TECTA: variants seen among roughly 807,000 people sequenced by gnomAD.
The protein encoded by TECTA is tectorin alpha.
Under a neutral mutation model 216.8 loss-of-function variants are expected in TECTA, and 128 were observed. That is an observed-to-expected ratio of 0.59 (90% CI 0.51 to 0.68). The LOEUF (loss-of-function observed/expected upper bound fraction) is 0.68. Among genes scored for constraint, TECTA ranks in the 30% least tolerant of loss-of-function variants. The pLI is 0.00. For synonymous variants in TECTA, 1,089 were observed against 1,117.1 expected (o/e 0.97, Z 0.50); for missense variants, 2,551 against 2,786.2 (o/e 0.92, Z 1.90).
intron 12 of TECTA, among the ~76,000 whole-genome samples, chr11:121,149,543 G>A (rs1253634774): frequency 6.6e-6 from 1 of 152,190 alleles, no homozygotes. Context: ...TACTTGATGA[G>A]GGAGATATTA....
intron 20 of TECTA, among the ~76,000 whole-genome samples, chr11:121,172,008 G>A (rs80275243): frequency 2.4e-4 from 36 of 152,012 alleles, no homozygotes; most frequent in African/African-American, 4.3e-4. Context: ...GCTTTTCTCC[G>A]TTCAGTATGA....
chr11:121,125,536 G>A lies in TECTA; in HGVS notation c.1438G>A (p.Ala480Thr), dbSNP rs1946600403. The change falls in exon 8 of 24, where the codon GCC becomes ACC. Residue 480 changes from alanine (A) to threonine (T), a missense_variant. By Grantham distance (58) the Ala-to-Thr change is moderately conservative. Around this residue, in one of 3 missense-constraint regions of TECTA, gnomAD observed 2,375 missense variants for 2,563.9 expected, o/e 0.93. Transcript: ENST00000392793. The stretch of plus-strand genomic sequence containing the variant: ...CTTCCTCCGCCCGGATGGCAGGCCG[G>A]CCATGTCTGTCCTGGATCTGGGAGA... Reference protein sequence around the residue: ...DDFLRPDGRPAMSVLDLGESW... With the variant: ...DDFLRPDGRPTMSVLDLGESW... 6.2e-7 allele frequency: 1 copy of A among 1,614,134 alleles called. No individual in the cohort carries two copies. The highest frequency in any genetic ancestry group is 8.5e-7 in the Non-Finnish European group (1 of 1,180,032).
At chr11:121,161,053 T>G (rs1022887905) in intron 15 of TECTA, among the ~76,000 whole-genome samples, 1 of 152,246 alleles carries the variant, frequency 6.6e-6, no homozygotes, top group Non-Finnish European at 1.5e-5. Flanking sequence ...CTCTTTCTTG[T>G]TAGTTCTCCA....
intron 20 of TECTA, among the ~76,000 whole-genome samples, chr11:121,185,537 C>CAGATGTTCAATGCTTAAT (rs1947276843): frequency 2.4e-5 from 1 of 41,770 alleles, no homozygotes; most frequent in Non-Finnish European, 4.4e-5. Flanking sequence ...GCTTAATGAA[C>CAGATGTTCAATGCTTAAT]GAGTAGGGAA....
chr11:121,106,004 C>T, intron 3 of TECTA, 40 bp downstream of exon 3: 1 of 1,614,094 alleles, frequency 6.2e-7, no homozygotes, highest in Non-Finnish European at 8.5e-7. Context: ...CTCTGGCCCT[C>T]CCTTTTGTTT....
At chr11:121,168,524 A>G (rs1947078441) in intron 19 of TECTA, 153 bp from the exon 20 acceptor site, 1 of 1,103,160 alleles carries the variant, frequency 9.1e-7, no homozygotes, top group African/African-American at 1.6e-5. Context: ...AAATTGCCCC[A>G]TGTGGCTAGC....
chr11:121,191,106 G>A lies in TECTA; in HGVS notation c.*300G>A, dbSNP rs1464377057. Reference sequence around the variant, plus strand: ...AAAACCAGTAAAGGAAAAAAATTCTGGTTAGAGAAATCTGACTGGAAATCT... The same window carrying A: ...AAAACCAGTAAAGGAAAAAAATTCTAGTTAGAGAAATCTGACTGGAAATCT... On this transcript the variant is annotated 3_prime_UTR_variant, in exon 24 of 24. Transcript: ENST00000392793. 8.9e-6 allele frequency: 3 copies of A among 336,296 alleles called. No homozygotes were observed. The highest frequency in any genetic ancestry group is 1.1e-5 in the Non-Finnish European group (2 of 174,778). The allele number at this position is 336,296 out of a possible 1,614,324, so 20.8% of individuals were successfully genotyped here. A position where few individuals can be genotyped will look rare whatever the true frequency, so the allele number is the denominator to read the frequency against.
intron 12 of TECTA, among the ~76,000 whole-genome samples, chr11:121,148,552 G>T (rs1946861478): frequency 6.6e-6 from 1 of 152,108 alleles, no homozygotes; most frequent in Non-Finnish European, 1.5e-5. Context: ...CTGAGAATAG[G>T]GTTGTTTGTA....
chr11:121,160,359 G>A lies in TECTA; in HGVS notation c.4914G>A (p.Gly1638=), dbSNP rs1360408457. The A allele has an allele frequency of 6.2e-7, 1 of 1,613,880 alleles. No homozygotes were observed. The change falls in exon 15 of 24, where the codon GGG becomes GGA. Residue 1638 remains glycine (G), a synonymous_variant. Coordinates refer to ENST00000392793, the MANE Select transcript of TECTA (RefSeq NM_005422.4). ...DLTDDYVTLR[G]KPVVSSVVLA... is the part of the protein sequence containing the mutation. ...CAGATGATTATGTGACCTTGCGAGG[G>A]AAGCCGGTGGTAAGCAGCGTGGTGC...
At chr11:121,188,569 A>G (rs1947310748) in intron 21 of TECTA, among the ~76,000 whole-genome samples, 1 of 152,224 alleles carries the variant, frequency 6.6e-6, no homozygotes. Context: ...GGGATGAGGT[A>G]GCAAACCAAT....
intron 3 of TECTA, among the ~76,000 whole-genome samples, chr11:121,106,177 T>A (rs1035819818): frequency 6.6e-6 from 1 of 152,174 alleles, no homozygotes; most frequent in African/African-American, 2.4e-5. Flanking sequence ...TGGAGGAGTA[T>A]ACAGGGCAAT....
rs146057781 is a variant in TECTA at position 121,156,850 on chromosome 11, T to C, written c.4306-991T>C. Among the ~76,000 whole-genome samples, 51 of 152,004 alleles carry C rather than the reference T, an allele frequency of 3.4e-4. No homozygotes were observed. The East Asian group carries it at 9.5e-3, about 28-fold the overall frequency. ...AATGAGCAAAGTGACACTGGGGAGG[T>C]GAGTAACGCTACTCAAGATGGCACA... On this transcript the variant is annotated intron_variant, in intron 13 of 23. Transcript: ENST00000392793.
rs776070888 is a variant in TECTA at position 121,165,361 on chromosome 11, C to T, written c.5361C>T (p.Ile1787=). Residue 1787 remains isoleucine, a synonymous_variant, in exon 17 of 24, where the codon ATC becomes ATT. Transcript: ENST00000392793. ...LGNGRELCGC[I]EPPPYGNNSH... is the part of the protein sequence containing the mutation. Reference sequence around the variant, plus strand: ...ATGGCAGGGAGCTGTGTGGCTGCATCGAGCCACCCCCCTATGGAAATAGTG... The same window carrying T: ...ATGGCAGGGAGCTGTGTGGCTGCATTGAGCCACCCCCCTATGGAAATAGTG... 2.5e-6 allele frequency: 4 copies of T among 1,597,362 alleles called. No homozygotes were observed. The Admixed American group carries it at 5.2e-5, about 21-fold the overall frequency.
intron 6 of TECTA, among the ~76,000 whole-genome samples, chr11:121,115,229 C>G (rs1193952062): frequency 6.6e-6 from 1 of 152,082 alleles, no homozygotes; most frequent in Non-Finnish European, 1.5e-5. Flanking sequence ...ACCCATTCAC[C>G]CACCCATCCA....
rs1294222444 is a variant in TECTA, at chr11:121,168,089, C to G, written c.5622C>G (p.Leu1874=). The change falls in exon 19 of 24, where the codon CTC becomes CTG. Residue 1874 remains leucine, a synonymous_variant. Transcript: ENST00000392793. ...NGTHIMYKNT[L]WIESANNTGN... Reference sequence around the variant, plus strand: ...CGCATATCATGTATAAAAACACACTCTGGATCGAAAGCGCCAACAACACTG... The same window carrying G: ...CGCATATCATGTATAAAAACACACTGTGGATCGAAAGCGCCAACAACACTG... 6.2e-7 allele frequency: 1 copy of G among 1,614,196 alleles called. No individual in the cohort carries two copies. The highest frequency in any genetic ancestry group is 8.5e-7 in the Non-Finnish European group (1 of 1,180,020).
intron 3 of TECTA, among the ~76,000 whole-genome samples, chr11:121,107,729 T>C (rs1297242768): frequency 6.6e-6 from 1 of 152,222 alleles, no homozygotes; most frequent in Admixed American, 6.5e-5. Flanking sequence ...ACGCAGAGGC[T>C]GAATTGTTTA....
At chr11:121,159,660 GC>G (rs1946978789) in intron 14 of TECTA, among the ~76,000 whole-genome samples, 1 of 152,214 alleles carries the variant, frequency 6.6e-6, no homozygotes, top group Non-Finnish European at 1.5e-5. Flanking sequence ...TGGCAATGAT[GC>G]CCAGATCCAT....
intron 10 of TECTA, among the ~76,000 whole-genome samples, chr11:121,136,083 C>T (rs1039188248): frequency 5.9e-5 from 9 of 152,062 alleles, no homozygotes; most frequent in Non-Finnish European, 1.0e-4. Flanking sequence ...CTCAGCCTCC[C>T]GAGTAGCTTA....
At chr11:121,153,516 G>T (rs922611952) in intron 13 of TECTA, among the ~76,000 whole-genome samples, 1 of 152,178 alleles carries the variant, frequency 6.6e-6, no homozygotes, top group Non-Finnish European at 1.5e-5. Flanking sequence ...TATGGAGCTG[G>T]AGGCTGAGTG....
Sources: allele counts gnomAD v4.1 joint callset (sites outside exome capture counted in the v4.1 genomes callset), GRCh38; gene constraint gnomAD v4.1.1; regional missense constraint gnomAD v4.1.1; transcripts MANE v1.5; gene names NCBI Gene and HGNC (gene_info 2026-07-23, HGNC 2026-07-21).